PHACTR3: variants seen among roughly 807,000 people sequenced by gnomAD.
PHACTR3 encodes the protein phosphatase and actin regulator 3.
PHACTR3 carries 16 observed loss-of-function variants against 66.8 expected under a neutral mutation model. That is an observed-to-expected ratio of 0.24 (90% CI 0.16 to 0.36). The LOEUF is 0.36. Among genes scored for constraint, PHACTR3 ranks in the 10% least tolerant of loss-of-function variants. The probability of loss-of-function intolerance (pLI) is 1.00; values close to 1 mark genes in which losing one functional copy is unlikely to be tolerated. For synonymous variants in PHACTR3, 323 were observed against 292.1 expected (o/e 1.11, Z -1.08); for missense variants, 647 against 719.9 (o/e 0.90, Z 1.16).
chr20:59,632,124 A>G (rs375283470), intron 1 of PHACTR3, among the ~76,000 whole-genome samples: 2 of 152,130 alleles, frequency 1.3e-5, no homozygotes, highest in East Asian at 1.9e-4. Flanking sequence ...CATGCCCTTC[A>G]TAGGCCATGA....
intron 1 of PHACTR3, among the ~76,000 whole-genome samples, chr20:59,593,033 C>T (rs1022283681): frequency 6.6e-6 from 1 of 152,148 alleles, no homozygotes; most frequent in Non-Finnish European, 1.5e-5. Context: ...ATGTCTGGAT[C>T]GTGTGGTAAG....
At chr20:59,646,465 CA>C (rs1448124580) in intron 1 of PHACTR3, among the ~76,000 whole-genome samples, 8 of 151,948 alleles carry the variant, frequency 5.3e-5, no homozygotes, top group African/African-American at 1.9e-4. Flanking sequence ...TTTTCCCTGT[CA>C]AAAGAAAGTA....
intron 1 of PHACTR3, among the ~76,000 whole-genome samples, chr20:59,659,615 C>T (rs993346380): frequency 5.3e-5 from 8 of 152,098 alleles, no homozygotes; most frequent in African/African-American, 1.9e-4. Context: ...TCATGATTTG[C>T]CTGCCTCAGC....
At chr20:59,750,979 C>T (rs961578384) in intron 3 of PHACTR3, among the ~76,000 whole-genome samples, 13 of 152,260 alleles carry the variant, frequency 8.5e-5, no homozygotes, top group Non-Finnish European at 2.9e-5. Flanking sequence ...CAGACCCTGT[C>T]TGTCCCTAAT....
chr20:59,784,567 C>T (rs910522903), intron 7 of PHACTR3, among the ~76,000 whole-genome samples: 2 of 152,022 alleles, frequency 1.3e-5, no homozygotes, highest in Non-Finnish European at 2.9e-5. Context: ...AGATGAGACG[C>T]GTGAGGTGCA....
At chr20:59,753,332 C>T (rs1384345653) in intron 3 of PHACTR3, among the ~76,000 whole-genome samples, 1 of 152,186 alleles carries the variant, frequency 6.6e-6, no homozygotes, top group Non-Finnish European at 1.5e-5. Flanking sequence ...TCTGGCATGG[C>T]TGACCTTTTC....
At chr20:59,769,658 C>T (rs968387176) in intron 5 of PHACTR3, among the ~76,000 whole-genome samples, 1 of 152,198 alleles carries the variant, frequency 6.6e-6, no homozygotes, top group African/African-American at 2.4e-5. Flanking sequence ...GAGACGGCCA[C>T]ACGTCTGTGT....
chr20:59,725,102 C>A (rs1482517600), intron 1 of PHACTR3, among the ~76,000 whole-genome samples: 2 of 151,416 alleles, frequency 1.3e-5, no homozygotes, highest in African/African-American at 4.9e-5. Flanking sequence ...GGCTGTGAGC[C>A]CAGGTGGATG....
chr20:59,830,312 AGAT>A lies in PHACTR3; in HGVS notation c.1329-6187_1329-6185del, dbSNP rs569092402. On this transcript the variant is annotated intron_variant, in intron 8 of 12. Coordinates refer to ENST00000371015, the MANE Select transcript of PHACTR3 (RefSeq NM_080672.5). The surrounding 1 kb of genome is among the most constrained non-coding windows in gnomAD (Gnocchi z 5.8). The stretch of plus-strand genomic sequence containing the variant: ...CAAGTGAGTGATGGACAGTGTGAGT[AGAT>A]GATGAAAGAAGGTGTGAGTATTTGA... 2.4e-3 allele frequency among the ~76,000 whole-genome samples: 351 copies of A among 149,018 alleles called. No individual in the cohort carries two copies. Among genetic ancestry groups the A allele is most frequent in the Admixed American group, 3.5e-3 (52 of 14,990 alleles).
intron 1 of PHACTR3, among the ~76,000 whole-genome samples, chr20:59,697,792 A>G (rs6015552): frequency 0.5 from 75,955 of 152,050 alleles, 20,073 homozygotes; most frequent in African/African-American, 0.68. Flanking sequence ...ATGGCAATCC[A>G]AGAATGAACT....
intron 1 of PHACTR3, among the ~76,000 whole-genome samples, chr20:59,589,907 G>A (rs886166537): frequency 2.6e-5 from 4 of 152,254 alleles, no homozygotes; most frequent in South Asian, 2.1e-4. Context: ...CATGATCTCC[G>A]CCTCCTGGCA....
At chr20:59,753,874 G>A (rs2146814821) in intron 3 of PHACTR3, among the ~76,000 whole-genome samples, 1 of 152,322 alleles carries the variant, frequency 6.6e-6, no homozygotes, top group South Asian at 2.1e-4. Context: ...TAGGAATCGG[G>A]ACTGACCAGG....
intron 8 of PHACTR3, among the ~76,000 whole-genome samples, chr20:59,827,829 C>T (rs1488180482): frequency 6.6e-6 from 1 of 152,182 alleles, no homozygotes; most frequent in Non-Finnish European, 1.5e-5. Flanking sequence ...AAGCCCCCCA[C>T]TGCACCAAGC....
At chr20:59,831,197 C>T (rs2042362763) in intron 8 of PHACTR3, among the ~76,000 whole-genome samples, 1 of 152,204 alleles carries the variant, frequency 6.6e-6, no homozygotes, top group Admixed American at 6.5e-5. Context: ...TGACTCACAT[C>T]CACACTTGAA....
chr20:59,724,734 C>T (rs1158804564), intron 1 of PHACTR3, among the ~76,000 whole-genome samples: 1 of 152,222 alleles, frequency 6.6e-6, no homozygotes, highest in Non-Finnish European at 1.5e-5. Context: ...TCTCCAGTTC[C>T]AGTACACGCT....
intron 1 of PHACTR3, among the ~76,000 whole-genome samples, chr20:59,650,741 A>C (rs546860620): frequency 1.9e-3 from 128 of 66,240 alleles, no homozygotes; most frequent in African/African-American, 7.6e-3. Context: ...CGTTGATAGC[A>C]AAAAAAAAAA....
At chr20:59,658,924 C>T (rs2146470220) in intron 1 of PHACTR3, among the ~76,000 whole-genome samples, 1 of 151,032 alleles carries the variant, frequency 6.6e-6, no homozygotes, top group African/African-American at 2.4e-5. Flanking sequence ...AGCTGTCAGC[C>T]TTCTATACCT....
At chr20:59,585,646 G>A (rs755634901) in intron 1 of PHACTR3, among the ~76,000 whole-genome samples, 1 of 152,214 alleles carries the variant, frequency 6.6e-6, no homozygotes, top group Non-Finnish European at 1.5e-5. Context: ...TCCGTGCCTG[G>A]CACCTAGCAG....
chr20:59,799,760 T>A (rs2041359182), intron 7 of PHACTR3, among the ~76,000 whole-genome samples: 2 of 152,290 alleles, frequency 1.3e-5, no homozygotes, highest in East Asian at 1.9e-4. Flanking sequence ...ATTCTGAAAA[T>A]TTTTGCCATT....
Sources: gnomAD v4.1 joint callset for allele counts (sites outside exome capture counted in the v4.1 genomes callset) on GRCh38, gnomAD v4.1.1 for gene constraint, Gnocchi (gnomAD v3.1) non-coding constraint, MANE v1.5 for transcripts, NCBI Gene and HGNC (gene_info 2026-07-23, HGNC 2026-07-21) for gene names.